The following PARD3B variants were observed in gnomAD, a reference collection of about 807,000 sequenced individuals.
PARD3B encodes par-3 family cell polarity regulator beta.
Under a neutral mutation model 130.2 loss-of-function variants are expected in PARD3B, and 103 were observed. The ratio of observed to expected loss-of-function variants is 0.79; its 90% CI spans 0.67 to 0.93. The LOEUF (loss-of-function observed/expected upper bound fraction) is 0.93. Ranked by LOEUF, PARD3B falls within the 40% of genes least tolerant of loss-of-function variation. The pLI, the probability that PARD3B is intolerant of heterozygous loss-of-function variation, is 0.00. For missense variants in PARD3B, 1,609 were observed against 1,499.2 expected, an observed-to-expected ratio of 1.07 and a Z score of -1.21; for synonymous variants, 583 against 553.2, an observed-to-expected ratio of 1.05 and a Z score of -0.76.
intron 15 of PARD3B, among the ~76,000 whole-genome samples, chr2:205,243,427 G>T (rs1206168507): frequency 6.6e-6 from 1 of 152,128 alleles, no homozygotes; most frequent in Non-Finnish European, 1.5e-5. Flanking sequence ...AAGTTAAAAT[G>T]ATTTGCACAA....
At chr2:205,369,503 T>C (rs940036645) in intron 18 of PARD3B, among the ~76,000 whole-genome samples, 3 of 152,206 alleles carry the variant, frequency 2.0e-5, no homozygotes, top group African/African-American at 4.8e-5. Flanking sequence ...GGCGCCTTCG[T>C]GTTCTGATTC....
chr2:205,124,300 A>G lies in PARD3B; in HGVS notation c.1166-27A>G, dbSNP rs201254421. Reference sequence around the variant, plus strand: ...AATATTACTCATGCTTAAGATGACTATACATTTTCCTGTTCTTATACACTA... The same window carrying G: ...AATATTACTCATGCTTAAGATGACTGTACATTTTCCTGTTCTTATACACTA... On this transcript the variant is annotated intron_variant, in intron 8 of 22. Coordinates refer to ENST00000406610, the MANE Select transcript of PARD3B (RefSeq NM_001302769.2). 2.4e-5 allele frequency: 36 copies of G among 1,472,852 alleles called. No homozygotes were observed. In the African/African-American group the frequency reaches 3.0e-4, roughly 12 times the overall value. The allele number at this position is 1,472,852 out of a possible 1,614,324, so 91.2% of individuals were successfully genotyped here. A position where few individuals can be genotyped will look rare whatever the true frequency, so the allele number is the denominator to read the frequency against.
At chr2:205,186,504 A>G (rs1446603258) in intron 14 of PARD3B, among the ~76,000 whole-genome samples, 2 of 152,144 alleles carry the variant, frequency 1.3e-5, no homozygotes, top group Non-Finnish European at 1.5e-5. Context: ...GCTATTTTCT[A>G]TATTTACTAT....
At chr2:205,003,866 T>G (rs907929783) in intron 3 of PARD3B, among the ~76,000 whole-genome samples, 1 of 152,220 alleles carries the variant, frequency 6.6e-6, no homozygotes, top group African/African-American at 2.4e-5. Flanking sequence ...ATCTTCCGCA[T>G]GCCTCCAAGA....
intron 10 of PARD3B, among the ~76,000 whole-genome samples, chr2:205,140,810 T>A (rs1022534433): frequency 6.6e-6 from 1 of 152,212 alleles, no homozygotes; most frequent in Non-Finnish European, 1.5e-5. Flanking sequence ...TGGTTATATC[T>A]CTCAGCATTT....
At chr2:205,251,295 T>C (rs149608154) in intron 16 of PARD3B, among the ~76,000 whole-genome samples, 5 of 152,092 alleles carry the variant, frequency 3.3e-5, no homozygotes, top group African/African-American at 9.7e-5. Context: ...GTGGGCCAAG[T>C]TAAGAGCTGT....
chr2:204,737,430 A>T (rs1418411449), intron 2 of PARD3B, among the ~76,000 whole-genome samples: 1 of 151,756 alleles, frequency 6.6e-6, no homozygotes. Flanking sequence ...TTTTAATGAG[A>T]TTATTTGTTT....
At chr2:204,672,385 AGGCACTGGACATGAAG>A in intron 1 of PARD3B, among the ~76,000 whole-genome samples, 1 of 152,344 alleles carries the variant, frequency 6.6e-6, no homozygotes, top group East Asian at 1.9e-4. Flanking sequence ...ATCTTAGCTA[AGGCACTGGACATGAAG>A]GGCAGATGGC....
intron 18 of PARD3B, among the ~76,000 whole-genome samples, chr2:205,331,594 C>T (rs1341944324): frequency 6.6e-6 from 1 of 151,596 alleles, no homozygotes; most frequent in East Asian, 1.9e-4. Flanking sequence ...CCAGGCTGGC[C>T]AACATGACAA....
chr2:204,977,389 C>CA (rs1183569863), intron 3 of PARD3B, among the ~76,000 whole-genome samples: 2 of 152,120 alleles, frequency 1.3e-5, no homozygotes, highest in Non-Finnish European at 2.9e-5. Flanking sequence ...TCAACTGACC[C>CA]AGAACACTGT....
chr2:204,912,266 C>A (rs1283149719), intron 2 of PARD3B, among the ~76,000 whole-genome samples: 1 of 152,156 alleles, frequency 6.6e-6, no homozygotes, highest in South Asian at 2.1e-4. Context: ...GTAAGTGATG[C>A]TAATTCCTGA....
At chr2:205,604,022 G>A (rs2054890025) in intron 22 of PARD3B, among the ~76,000 whole-genome samples, 1 of 152,162 alleles carries the variant, frequency 6.6e-6, no homozygotes, top group African/African-American at 2.4e-5. Context: ...TCCTTCAGGA[G>A]CTCTTGCAAG....
intron 16 of PARD3B, among the ~76,000 whole-genome samples, chr2:205,249,005 A>ATTTTTTTTTTTT (rs1169475061): frequency 8.9e-6 from 1 of 112,398 alleles, no homozygotes; most frequent in African/African-American, 3.9e-5. Flanking sequence ...TTAAAATAAG[A>ATTTTTTTTTTTT]GTTTTTTTTT....
At chr2:204,615,042 C>T (rs188033533) in intron 1 of PARD3B, among the ~76,000 whole-genome samples, 1 of 152,218 alleles carries the variant, frequency 6.6e-6, no homozygotes, top group South Asian at 2.1e-4. Context: ...TACATTTTTG[C>T]AGATCTTAAT....
chr2:205,037,134 GCGGACTGTATATATA>G, intron 3 of PARD3B, among the ~76,000 whole-genome samples: 1 of 146,018 alleles, frequency 6.8e-6, no homozygotes, highest in South Asian at 2.2e-4. Context: ...TACATATATA[GCGGACTGTATATATA>G]AAACAAATAT....
rs1026259092 is a variant in PARD3B at position 204,606,796 on chromosome 2, G to C, written c.120+60677G>C. ...TTCAATTCAGTTAAGACTACTGAGA[G>C]TCCTTTATATCTCGTTTGGAGGCTG... On this transcript the variant is annotated intron_variant, in intron 1 of 22. Transcript: ENST00000406610. This position sits in a 1 kb window ranked among gnomAD's most constrained non-coding sequence, Gnocchi z 4.0. Among the ~76,000 whole-genome samples the C allele has an allele frequency of 6.6e-6, 1 of 152,160 alleles. No homozygotes were observed. Among genetic ancestry groups the C allele is most frequent in the African/African-American group, 2.4e-5 (1 of 41,434 alleles).
At chr2:205,331,116 T>C (rs2043108448) in intron 18 of PARD3B, among the ~76,000 whole-genome samples, 1 of 152,110 alleles carries the variant, frequency 6.6e-6, no homozygotes, top group Non-Finnish European at 1.5e-5. Context: ...CATAAACATA[T>C]ACATGTGACG....
At chr2:204,724,901 A>G (rs1229924459) in intron 2 of PARD3B, among the ~76,000 whole-genome samples, 1 of 152,064 alleles carries the variant, frequency 6.6e-6, no homozygotes, top group African/African-American at 2.4e-5. Flanking sequence ...AGAAGAAGTG[A>G]TAGAGAACTA....
chr2:204,917,974 A>G (rs891559113), intron 2 of PARD3B, among the ~76,000 whole-genome samples: 7 of 152,188 alleles, frequency 4.6e-5, no homozygotes, highest in Non-Finnish European at 2.9e-5. Context: ...AGATTAGTTC[A>G]CAAAAGCTTG....
Sources: gnomAD v4.1 joint callset for allele counts (sites outside exome capture counted in the v4.1 genomes callset) on GRCh38, gnomAD v4.1.1 for gene constraint, Gnocchi (gnomAD v3.1) non-coding constraint, MANE v1.5 for transcripts, NCBI Gene and HGNC (gene_info 2026-07-23, HGNC 2026-07-21) for gene names.